Variants in ZNF33A observed in about 807,000 individuals in gnomAD.
ZNF33A encodes the protein zinc finger protein 33A.
Under a neutral mutation model 15.9 loss-of-function variants are expected in ZNF33A, and 9 were observed. That is an observed-to-expected ratio of 0.57 (90% CI 0.34 to 0.99). ZNF33A has a LOEUF of 0.99. ZNF33A is among the 50% of genes least tolerant of loss of function. The pLI, the probability that ZNF33A is intolerant of heterozygous loss-of-function variation, is 0.02. For missense variants in ZNF33A, 843 were observed against 941.6 expected, an observed-to-expected ratio of 0.90 and a Z score of 1.37; for synonymous variants, 294 against 324.2, an observed-to-expected ratio of 0.91 and a Z score of 1.00.
intron 4 of ZNF33A, among the ~76,000 whole-genome samples, chr10:38,031,963 CAAAAT>C (rs550189011): frequency 5.6e-4 from 85 of 151,650 alleles, no homozygotes; most frequent in African/African-American, 1.3e-3. Context: ...TTCCATCTTA[CAAAAT>C]AAAATAAAAT....
chr10:38,065,944 G>A (rs1222119762), downstream of ZNF33A, among the ~76,000 whole-genome samples: 4 of 151,944 alleles, frequency 2.6e-5, no homozygotes, highest in East Asian at 1.9e-4. Flanking sequence ...CTCCTGCCTC[G>A]GCCTCCAAAA....
downstream of ZNF33A, among the ~76,000 whole-genome samples, chr10:38,062,637 G>A (rs1448312770): frequency 6.6e-6 from 1 of 152,174 alleles, no homozygotes; most frequent in East Asian, 1.9e-4. Context: ...GAGCCCAGGA[G>A]TTCAAGGCTG....
chr10:38,030,428 CATT>C (rs1282181339), intron 4 of ZNF33A, among the ~76,000 whole-genome samples: 2 of 152,086 alleles, frequency 1.3e-5, no homozygotes, highest in African/African-American at 4.8e-5. Context: ...ATACATGTAA[CATT>C]ATGGATGAAT....
chr10:38,026,700 T>C lies in ZNF33A; in HGVS notation c.250+9314T>C, dbSNP rs1292432956. Among the ~76,000 whole-genome samples, 3 of 152,326 alleles carry C rather than the reference T, an allele frequency of 2.0e-5. No homozygotes were observed. The East Asian group carries it at 5.8e-4, about 29-fold the overall frequency. On this transcript the variant is annotated intron_variant, in intron 4 of 4. Transcript: ENST00000432900. ...TAAGAATCCATCAGCAAACCCAAAGTTTTCCTTATGTTTTCTTCTAAACAT... is the reference window on the plus strand; with the variant it reads ...TAAGAATCCATCAGCAAACCCAAAGCTTTCCTTATGTTTTCTTCTAAACAT...
Position 38,010,784 on chromosome 10 carries a change from G to GTAAGCCCCAGTGGGT in ZNF33A, c.-45+3_-45+17dup. Reference sequence around the variant, plus strand: ...GAATGCAACCCGACGAGGGAGTGGGGTAAGCCCCAGTGGGTTGGGCAGGGA... The same window carrying GTAAGCCCCAGTGGGT: ...GAATGCAACCCGACGAGGGAGTGGGGTAAGCCCCAGTGGGTTAAGCCCCAGTGGGTTGGGCAGGGA... On this transcript the variant is annotated splice_donor_variant, in intron 1 of 4. Coordinates refer to ENST00000432900, the MANE Select transcript of ZNF33A (RefSeq NM_006954.2). LOFTEE classifies it low-confidence loss of function (5UTR_SPLICE). The GTAAGCCCCAGTGGGT allele has an allele frequency of 2.5e-6, 4 of 1,598,466 alleles. No homozygotes were observed. The highest frequency in any genetic ancestry group is 3.4e-6 in the Non-Finnish European group (4 of 1,179,810).
chr10:38,016,858 C>T lies in ZNF33A; in HGVS notation c.10-13C>T, dbSNP rs1410251123. 7 of 1,612,536 alleles carry T rather than the reference C, an allele frequency of 4.3e-6. No homozygotes were observed. The highest frequency in any genetic ancestry group is 2.2e-5 in the East Asian group (1 of 44,880). ...ACTTCTTTTTTCATGCCACCTAATTCTGAATGTTTCAGGTAGAACAGAAGT... is the reference window on the plus strand; with the variant it reads ...ACTTCTTTTTTCATGCCACCTAATTTTGAATGTTTCAGGTAGAACAGAAGT... On this transcript the variant is annotated splice_polypyrimidine_tract_variant and intron_variant, in intron 2 of 4. Transcript: ENST00000432900.
At chr10:38,062,127 C>A (rs1284393761), downstream of ZNF33A, among the ~76,000 whole-genome samples, 1 of 152,162 alleles carries the variant, frequency 6.6e-6, no homozygotes, top group Non-Finnish European at 1.5e-5. Context: ...CTGCCCCTCC[C>A]CTTTCTGACA....
chr10:38,035,121 T>TC (rs1369854208), intron 4 of ZNF33A, among the ~76,000 whole-genome samples: 2 of 138,172 alleles, frequency 1.4e-5, no homozygotes, highest in East Asian at 4.3e-4. Flanking sequence ...CTTTTTTTTT[T>TC]TTTTTTTTTT....
At chr10:38,025,790 A>G (rs2064961043) in intron 4 of ZNF33A, among the ~76,000 whole-genome samples, 1 of 152,248 alleles carries the variant, frequency 6.6e-6, no homozygotes, top group Non-Finnish European at 1.5e-5. Context: ...TGTGTGTGGT[A>G]AAATATATGT....
downstream of ZNF33A, chr10:38,064,725 C>T (rs559820604): frequency 6.6e-6 from 1 of 152,312 alleles, no homozygotes; most frequent in East Asian, 1.9e-4. Context: ...CTCTTTCTGC[C>T]TCCCTCTCAC....
rs1282236619 is a variant in ZNF33A, at chr10:38,016,168, A to G, written c.10-703A>G. 1.3e-5 allele frequency: 6 copies of G among 455,574 alleles called. No individual in the cohort carries two copies. In the Admixed American group the frequency reaches 2.2e-4, roughly 17 times the overall value. The allele number at this position is 455,574 out of a possible 1,614,324, so 28.2% of individuals were successfully genotyped here. On this transcript the variant is annotated intron_variant, in intron 2 of 4. Coordinates refer to ENST00000432900, the MANE Select transcript of ZNF33A (RefSeq NM_006954.2). ...GAAGAAAATGTCAGGCTCTTTTTCT[A>G]CATTTTTAAATCCAAATGAGAGTTA...
At chr10:38,010,597 A>G (rs2064119129), upstream of ZNF33A, 2 of 1,027,516 alleles carry the variant, frequency 1.9e-6, no homozygotes, top group Non-Finnish European at 1.5e-6. Flanking sequence ...CGGGAAAGGT[A>G]GTTTCCAGGT....
At chr10:38,012,184 C>T (rs2064216224) in intron 1 of ZNF33A, 114 bp from the exon 2 acceptor site, 2 of 1,016,384 alleles carry the variant, frequency 2.0e-6, no homozygotes, top group Non-Finnish European at 2.9e-6. Context: ...TTGATACTCT[C>T]CCAGAGGAAG....
Position 38,054,558 on chromosome 10 carries a change from G to A in ZNF33A, c.434G>A (p.Cys145Tyr), listed in dbSNP as rs2066362399. 6.2e-7 allele frequency: 1 copy of A among 1,612,032 alleles called. No individual in the cohort carries two copies. Among genetic ancestry groups the A allele is most frequent in the South Asian group, 1.1e-5 (1 of 90,456 alleles). Reference protein sequence around the residue: ...SRKMFCQCDSCGMSFNTVSEL... With the variant: ...SRKMFCQCDSYGMSFNTVSEL... ...AAAATGTTCTGTCAGTGTGATTCATGTGGAATGAGTTTCAACACTGTTTCA... is the reference window on the plus strand; with the variant it reads ...AAAATGTTCTGTCAGTGTGATTCATATGGAATGAGTTTCAACACTGTTTCA... Residue 145 changes from cysteine (C) to tyrosine (Y), a missense_variant, in exon 5 of 5, where the codon TGT becomes TAT. Transcript: ENST00000432900.
intron 4 of ZNF33A, among the ~76,000 whole-genome samples, chr10:38,028,996 C>T (rs559547732): frequency 1.3e-5 from 2 of 152,250 alleles, no homozygotes; most frequent in East Asian, 1.9e-4. Flanking sequence ...TCACACATTA[C>T]GTCTTTATAC....
intron 4 of ZNF33A, among the ~76,000 whole-genome samples, chr10:38,038,065 CT>C (rs759806200): frequency 6.6e-6 from 1 of 152,142 alleles, no homozygotes; most frequent in East Asian, 1.9e-4. Context: ...ACTATAAGCT[CT>C]GTATTTCCTT....
chr10:38,061,109 C>G (rs2066649782), downstream of ZNF33A, among the ~76,000 whole-genome samples: 1 of 152,168 alleles, frequency 6.6e-6, no homozygotes, highest in African/African-American at 2.4e-5. Flanking sequence ...TCATCACTGG[C>G]TGCATGGAAC....
intron 4 of ZNF33A, among the ~76,000 whole-genome samples, chr10:38,018,426 TTGA>T (rs2064567491): frequency 6.6e-6 from 1 of 151,472 alleles, no homozygotes; most frequent in South Asian, 2.1e-4. Flanking sequence ...AAGGGAGGGG[TTGA>T]TTGGAGGAAG....
intron 4 of ZNF33A, among the ~76,000 whole-genome samples, chr10:38,023,635 A>C (rs2064851964): frequency 6.6e-6 from 1 of 152,202 alleles, no homozygotes; most frequent in African/African-American, 2.4e-5. Flanking sequence ...AACATGCACA[A>C]AATATTTATA....
Sources: gnomAD v4.1 joint callset for allele counts (sites outside exome capture counted in the v4.1 genomes callset) on GRCh38, gnomAD v4.1.1 for gene constraint, MANE v1.5 for transcripts, NCBI Gene and HGNC (gene_info 2026-07-23, HGNC 2026-07-21) for gene names.